CDH20: variants seen among roughly 807,000 people sequenced by gnomAD.
CDH20 encodes cadherin-20.
In CDH20, 29 loss-of-function variants were observed where a neutral mutation model predicts 74.2. The observed-to-expected ratio is 0.39, with a 90% CI of 0.29 to 0.53. The LOEUF is 0.53. CDH20 is among the 20% of genes least tolerant of loss of function. The pLI is 0.69. For synonymous variants in CDH20, 469 were observed against 405.4 expected (o/e 1.16, Z -1.88); for missense variants, 988 against 1,048.3 (o/e 0.94, Z 0.79).
intron 1 of CDH20, among the ~76,000 whole-genome samples, chr18:61,456,149 C>T (rs1432560474): frequency 6.6e-6 from 1 of 152,166 alleles, no homozygotes. Flanking sequence ...GGTTTGGGTG[C>T]CCCCATTCCT....
Position 61,368,278 on chromosome 18 carries a change from G to C in CDH20, c.-153+34451G>C, listed in dbSNP as rs576582878. Among the ~76,000 whole-genome samples the C allele has an allele frequency of 1.5e-4, 23 of 152,100 alleles. No individual in the cohort carries two copies. The South Asian group carries it at 4.0e-3, about 26-fold the overall frequency. Reference sequence around the variant, plus strand: ...TGGGAATAAGGATGTGGACACCTAGGGGGAGGGGGAATTATTTTACTGATC... The same window carrying C: ...TGGGAATAAGGATGTGGACACCTAGCGGGAGGGGGAATTATTTTACTGATC... On this transcript the variant is annotated intron_variant, in intron 1 of 11. Transcript: ENST00000262717.
At chr18:61,505,016 GTA>G (rs1568167983) in intron 5 of CDH20, among the ~76,000 whole-genome samples, 1 of 152,140 alleles carries the variant, frequency 6.6e-6, no homozygotes, top group Non-Finnish European at 1.5e-5. Context: ...GATGGACTTT[GTA>G]TTGCTTTGGT....
intron 1 of CDH20, among the ~76,000 whole-genome samples, chr18:61,445,781 C>T (rs1398864408): frequency 3.3e-5 from 5 of 152,180 alleles, no homozygotes; most frequent in Non-Finnish European, 5.9e-5. Context: ...TCTCACAAAT[C>T]TCCACTGTGG....
chr18:61,443,370 C>A (rs543352674), intron 1 of CDH20, among the ~76,000 whole-genome samples: 1 of 152,270 alleles, frequency 6.6e-6, no homozygotes, highest in South Asian at 2.1e-4. Context: ...TACATATCAA[C>A]TGTTGGAGGG....
chr18:61,554,697 G>A lies in CDH20; in HGVS notation c.*2G>A, dbSNP rs1913570386. 1.9e-6 allele frequency: 3 copies of A among 1,556,670 alleles called. No individual in the cohort carries two copies. Among genetic ancestry groups the A allele is most frequent in the Non-Finnish European group, 2.6e-6 (3 of 1,151,086 alleles). ...GAGGGACCCGCGCCGCTGTGGTGACGGAAGCCAGGAGGCAGGCGCGCGTCC... is the reference window on the plus strand; with the variant it reads ...GAGGGACCCGCGCCGCTGTGGTGACAGAAGCCAGGAGGCAGGCGCGCGTCC... On this transcript the variant is annotated 3_prime_UTR_variant, in exon 12 of 12. Coordinates refer to ENST00000262717, the MANE Select transcript of CDH20 (RefSeq NM_031891.4).
At chr18:61,402,948 T>A (rs1212241437) in intron 1 of CDH20, among the ~76,000 whole-genome samples, 1 of 152,242 alleles carries the variant, frequency 6.6e-6, no homozygotes, top group Non-Finnish European at 1.5e-5. Flanking sequence ...ATTAAAGTCC[T>A]AACCCTTGTG....
chr18:61,422,165 A>C (rs1446492545), intron 1 of CDH20, among the ~76,000 whole-genome samples: 1 of 152,132 alleles, frequency 6.6e-6, no homozygotes, highest in Non-Finnish European at 1.5e-5. Flanking sequence ...TGGGACAGAA[A>C]AGTGATTTCC....
chr18:61,550,387 T>C (rs1053087399), intron 11 of CDH20, among the ~76,000 whole-genome samples, 158 bp downstream of exon 11: 2 of 152,158 alleles, frequency 1.3e-5, no homozygotes, highest in African/African-American at 4.8e-5. Context: ...AGTAAAGAAA[T>C]TGAGGACAGT....
At chr18:61,421,239 C>G (rs965119071) in intron 1 of CDH20, among the ~76,000 whole-genome samples, 2 of 151,916 alleles carry the variant, frequency 1.3e-5, no homozygotes, top group African/African-American at 4.8e-5. Context: ...ATAAATGAAG[C>G]AGAGAAGTAA....
chr18:61,528,456 C>T (rs1281298704), intron 7 of CDH20, among the ~76,000 whole-genome samples: 16 of 151,238 alleles, frequency 1.1e-4, no homozygotes, highest in East Asian at 5.8e-4. Flanking sequence ...GACACACACA[C>T]ACACACACAC....
rs188073092 is a variant in CDH20 at position 61,512,758 on chromosome 18, G to C, written c.1017+5198G>C. ...TTTATTTCTGCCTTCATTTCGTTAT[G>C]TACCCAGTAGTCATTCAGGAGCAGG... On this transcript the variant is annotated intron_variant, in intron 6 of 11. Coordinates refer to ENST00000262717, the MANE Select transcript of CDH20 (RefSeq NM_031891.4). 6.7e-3 allele frequency among the ~76,000 whole-genome samples: 1,014 copies of C among 151,996 alleles called. 6 individuals carry two copies. The highest frequency in any genetic ancestry group is 0.023 in the African/African-American group (951 of 41,436).
intron 1 of CDH20, among the ~76,000 whole-genome samples, chr18:61,355,091 G>A (rs1403170941): frequency 6.6e-6 from 1 of 152,236 alleles, no homozygotes; most frequent in Non-Finnish European, 1.5e-5. Flanking sequence ...TCCTCCAGAT[G>A]AGGACTAATG....
intron 4 of CDH20, 145 bp from the exon 5 acceptor site, chr18:61,502,808 T>A (rs1911431603): frequency 3.4e-6 from 2 of 590,212 alleles, no homozygotes; most frequent in African/African-American, 1.9e-5. Context: ...AAGCTGAGAT[T>A]TTTTTACCTC....
chr18:61,413,458 G>A (rs1912579522), intron 1 of CDH20, among the ~76,000 whole-genome samples: 1 of 152,146 alleles, frequency 6.6e-6, no homozygotes, highest in Non-Finnish European at 1.5e-5. Flanking sequence ...AAAATATAAT[G>A]CACTGCAAGA....
intron 1 of CDH20, among the ~76,000 whole-genome samples, chr18:61,335,939 G>T (rs1161138265): frequency 6.6e-6 from 1 of 152,192 alleles, no homozygotes; most frequent in South Asian, 2.1e-4. Flanking sequence ...CGTTTGGGGA[G>T]AGTTGCCGGG....
At chr18:61,365,120 C>G (rs1297200356) in intron 1 of CDH20, among the ~76,000 whole-genome samples, 2 of 152,196 alleles carry the variant, frequency 1.3e-5, no homozygotes, top group African/African-American at 2.4e-5. Context: ...CATACACTGT[C>G]TAGGAGCAGA....
At chr18:61,390,733 G>A (rs1002752113) in intron 1 of CDH20, among the ~76,000 whole-genome samples, 6 of 152,124 alleles carry the variant, frequency 3.9e-5, no homozygotes, top group Non-Finnish European at 8.8e-5. Context: ...GAAGGAAATA[G>A]TGGTTGTTCA....
intron 1 of CDH20, among the ~76,000 whole-genome samples, chr18:61,335,916 A>C (rs1489266647): frequency 6.6e-6 from 1 of 152,256 alleles, no homozygotes; most frequent in South Asian, 2.1e-4. Context: ...ATACTTGTAG[A>C]AAAATTATCT....
intron 1 of CDH20, among the ~76,000 whole-genome samples, chr18:61,379,481 C>A (rs1040341124): frequency 6.6e-6 from 1 of 152,154 alleles, no homozygotes; most frequent in Non-Finnish European, 1.5e-5. Flanking sequence ...AGAGTCTTTT[C>A]TCTTTCTAGG....
Sources: gnomAD v4.1 joint callset for allele counts (sites outside exome capture counted in the v4.1 genomes callset) on GRCh38, gnomAD v4.1.1 for gene constraint, MANE v1.5 for transcripts, NCBI Gene and HGNC (gene_info 2026-07-23, HGNC 2026-07-21) for gene names.